The following ZIC5 variants were observed in gnomAD, a reference collection of about 807,000 sequenced individuals.
The protein encoded by ZIC5 is Zic family zinc finger 5.
Under a neutral mutation model 28.5 loss-of-function variants are expected in ZIC5, and 20 were observed. That is an observed-to-expected ratio of 0.70 (90% confidence interval 0.49 to 1.02). The LOEUF (loss-of-function observed/expected upper bound fraction) is 1.02. Among genes scored for constraint, ZIC5 ranks in the 50% least tolerant of loss-of-function variants. The pLI is 0.00. For missense variants in ZIC5, 951 were observed against 899.7 expected, an observed-to-expected ratio of 1.06 and a Z score of -0.73; for synonymous variants, 488 against 410.4, an observed-to-expected ratio of 1.19 and a Z score of -2.29.
rs1264090372 is a variant in ZIC5, at chr13:99,963,290, T to C, written c.*2087A>G. 1 of 152,662 alleles carries C rather than the reference T, an allele frequency of 6.6e-6. No homozygotes were observed. The highest frequency in any genetic ancestry group is 6.5e-5 in the Admixed American group (1 of 15,278). 9.5% of individuals were successfully genotyped at this position (152,662 alleles called of 1,614,324 possible). A position where few individuals can be genotyped will look rare whatever the true frequency, so the allele number is the denominator to read the frequency against. On this transcript the variant is annotated 3_prime_UTR_variant, in exon 2 of 2. Transcript: ENST00000267294. ...CTCATTATACATCAGGAATATTTTG[T>C]TCTAATAAGTTTACGATACATAAAT...
rs1309088818 is a variant in ZIC5 at position 99,963,994 on chromosome 13, G to T, written c.*1383C>A. ...CTACATTTTGCACAGGAGATGTGTTGTACCAACCGAAAATAAATCGACTAA... is the reference window on the plus strand; with the variant it reads ...CTACATTTTGCACAGGAGATGTGTTTTACCAACCGAAAATAAATCGACTAA... On this transcript the variant is annotated 3_prime_UTR_variant, in exon 2 of 2. Coordinates refer to ENST00000267294, the MANE Select transcript of ZIC5 (RefSeq NM_033132.5). 6.6e-6 allele frequency: 1 copy of T among 152,568 alleles called. No homozygotes were observed. Among genetic ancestry groups the T allele is most frequent in the Non-Finnish European group, 1.5e-5 (1 of 68,024 alleles). The allele number at this position is 152,568 out of a possible 1,614,324, so 9.5% of individuals were successfully genotyped here.
rs2053085798 is a variant in ZIC5 at position 99,964,993 on chromosome 13, T to C, written c.*384A>G. ...TGACTTAATGCTCTTTTTCTCCCCC[T>C]TTTAAAAAAAATAATATATATATAT... On this transcript the variant is annotated 3_prime_UTR_variant, in exon 2 of 2. Transcript: ENST00000267294. 7.1e-6 allele frequency: 1 copy of C among 141,092 alleles called. No individual in the cohort carries two copies. The highest frequency in any genetic ancestry group is 2.2e-4 in the South Asian group (1 of 4,606). The allele number at this position is 141,092 out of a possible 1,614,324, so 8.7% of individuals were successfully genotyped here. A position where few individuals can be genotyped will look rare whatever the true frequency, so the allele number is the denominator to read the frequency against.
rs1246168219 is a variant in ZIC5 at position 99,970,128 on chromosome 13, T to C, written c.1476A>G (p.Thr492=). 1 of 1,595,136 alleles carries C rather than the reference T, an allele frequency of 6.3e-7. No individual in the cohort carries two copies. Among genetic ancestry groups the C allele is most frequent in the Non-Finnish European group, 8.5e-7 (1 of 1,173,146 alleles). The part of the protein sequence containing the change: ...ENLKIHKRTH[T]GEKPFKCEFD... ...GCGCGGCCGGGGACAGACACCCACC[T>C]GTATGAGTACGCTTGTGGATCTTGA... The change falls in exon 1 of 2, where the codon ACA becomes ACG. Residue 492 remains threonine, a splice_region_variant and synonymous_variant. Transcript: ENST00000267294.
chr13:99,970,111 G>T lies in ZIC5; in HGVS notation c.1477+16C>A, dbSNP rs759503953. On this transcript the variant is annotated intron_variant, in intron 1 of 1. Transcript: ENST00000267294. The stretch of plus-strand genomic sequence containing the variant: ...TGGTGGCGGCGGCGGCGGCGCGGCC[G>T]GGGACAGACACCCACCTGTATGAGT... The T allele has an allele frequency of 1.9e-6, 3 of 1,604,934 alleles. No homozygotes were observed. The highest frequency in any genetic ancestry group is 3.4e-5 in the Admixed American group (2 of 59,384).
At chr13:99,966,378 C>A (rs2053100161) in intron 1 of ZIC5, among the ~76,000 whole-genome samples, 1 of 152,072 alleles carries the variant, frequency 6.6e-6, no homozygotes, top group Non-Finnish European at 1.5e-5. Context: ...AGGAGAGGGG[C>A]ATCAGGAGAG....
In ZIC5 at chr13:99,967,536, C is replaced by G. The variant is rs1594282469; in HGVS notation, c.1478-1717G>C. The stretch of plus-strand genomic sequence containing the variant: ...ATTCTTTTTAAGAAATTAAAATCAG[C>G]CTTTCTTCAATATGGAGGCGTAATT... On this transcript the variant is annotated intron_variant, in intron 1 of 1. Coordinates refer to ENST00000267294, the MANE Select transcript of ZIC5 (RefSeq NM_033132.5). Among the ~76,000 whole-genome samples, 3 of 152,212 alleles carry G rather than the reference C, an allele frequency of 2.0e-5. No homozygotes were observed. The East Asian group carries it at 5.8e-4, about 29-fold the overall frequency.
Position 99,970,894 on chromosome 13 carries a change from G to C in ZIC5, c.710C>G (p.Pro237Arg), listed in dbSNP as rs745511470. 7.5e-7 allele frequency: 1 copy of C among 1,336,852 alleles called. No homozygotes were observed. The highest frequency in any genetic ancestry group is 2.1e-5 in the South Asian group (1 of 47,786). The allele number at this position is 1,336,852 out of a possible 1,614,324, so 82.8% of individuals were successfully genotyped here. The change falls in exon 1 of 2, where the codon CCC becomes CGC. Residue 237 changes from proline to arginine, a missense_variant. This residue lies in a region of ZIC5 where 784 missense variants were observed against 660.1 expected (regional missense o/e 1.19). Transcript: ENST00000267294. ...PDGSGGPALF[P>R]ALHDTPGAPG... ...GGCCCCCGGCGTGTCGTGCAGCGCG[G>C]GGAAGAGCGCCGGGCCGCCGCTGCC...
chr13:99,970,621 T>C lies in ZIC5; in HGVS notation c.983A>G (p.Gln328Arg). ...CGGCGCCGGGGGCGGCGCGTGGTGC[T>C]GCAGGTGGGGCCCGGGCCCGGCCGC... ...AAAAGPGPHLQHHAPPPAPPP... is the reference protein window; with the variant it reads ...AAAAGPGPHLRHHAPPPAPPP... Residue 328 changes from glutamine to arginine, a missense_variant, in exon 1 of 2, where the codon CAG (glutamine) becomes CGG (arginine). Gln to Arg is a conservative substitution (Grantham distance 43). Around this residue, in one of 3 missense-constraint regions of ZIC5, gnomAD observed 784 missense variants for 660.1 expected, o/e 1.19. Coordinates refer to ENST00000267294, the MANE Select transcript of ZIC5 (RefSeq NM_033132.5). 2 of 1,054,460 alleles carry C rather than the reference T, an allele frequency of 1.9e-6. No homozygotes were observed. Among genetic ancestry groups the C allele is most frequent in the African/African-American group, 3.5e-5 (2 of 57,388 alleles). The allele number at this position is 1,054,460 out of a possible 1,614,324, so 65.3% of individuals were successfully genotyped here.
In ZIC5 at chr13:99,971,512, C is replaced by A; in HGVS notation, c.92G>T (p.Gly31Val). Residue 31 changes from glycine to valine, a missense_variant, in exon 1 of 2, where the codon GGC (glycine) becomes GTC (valine). Gly to Val is a moderately radical substitution (Grantham distance 109). This residue lies in a region of ZIC5 where 784 missense variants were observed against 660.1 expected (regional missense o/e 1.19). Coordinates refer to ENST00000267294, the MANE Select transcript of ZIC5 (RefSeq NM_033132.5). ...AQVQPLQNMTGFPALAGPPAH... is the reference protein window; with the variant it reads ...AQVQPLQNMTVFPALAGPPAH... ...GGGCGGGCCGGCCAGCGCCGGGAAGCCTGTCATATTCTGAAGCGGCTGGAC... is the reference window on the plus strand; with the variant it reads ...GGGCGGGCCGGCCAGCGCCGGGAAGACTGTCATATTCTGAAGCGGCTGGAC... 6.4e-7 allele frequency: 1 copy of A among 1,551,712 alleles called. No homozygotes were observed. Among genetic ancestry groups the A allele is most frequent in the Non-Finnish European group, 8.7e-7 (1 of 1,147,106 alleles).
intron 1 of ZIC5, among the ~76,000 whole-genome samples, chr13:99,968,724 T>C (rs2053121145): frequency 2.0e-5 from 3 of 152,194 alleles, no homozygotes; most frequent in Admixed American, 6.5e-5. Context: ...AGCAGCCGGC[T>C]TAGCGGGCCA....
rs1173779217 is a variant in ZIC5 at position 99,963,521 on chromosome 13, C to A, written c.*1856G>T. 1 of 152,480 alleles carries A rather than the reference C, an allele frequency of 6.6e-6. No homozygotes were observed. Among genetic ancestry groups the A allele is most frequent in the Non-Finnish European group, 1.5e-5 (1 of 68,022 alleles). 9.4% of individuals were successfully genotyped at this position (152,480 alleles called of 1,614,324 possible). On this transcript the variant is annotated 3_prime_UTR_variant, in exon 2 of 2. Coordinates refer to ENST00000267294, the MANE Select transcript of ZIC5 (RefSeq NM_033132.5). ...AGGCTTTCCAAGTGACAGCACCATG[C>A]ACTGTACTAGTAATATAATATATCT...
chr13:99,968,424 G>C (rs996237925), intron 1 of ZIC5, among the ~76,000 whole-genome samples: 1 of 152,110 alleles, frequency 6.6e-6, no homozygotes, highest in Non-Finnish European at 1.5e-5. Context: ...CGCCGCCTGG[G>C]GTCCCCCGCG....
At position 99,965,461 on chromosome 13, in the gene ZIC5, G is replaced by T. The variant is rs2053092859; in HGVS notation, c.1836C>A (p.His612Gln). Reference sequence around the variant, plus strand: ...AGGTGGTTCCGTTGCTGGAAGGGGTGTGGAGGTGGCTGGGGGCCCCACTGG... The same window carrying T: ...AGGTGGTTCCGTTGCTGGAAGGGGTTTGGAGGTGGCTGGGGGCCCCACTGG... ...CQASGAPSHL[H>Q]TPSSNGTTSE... The change falls in exon 2 of 2, where the codon CAC (histidine) becomes CAA (glutamine). Residue 612 changes from histidine (H) to glutamine (Q), a missense_variant. By Grantham distance (24) the His-to-Gln change is conservative. Around this residue, in one of 3 missense-constraint regions of ZIC5, gnomAD observed 108 missense variants for 118.4 expected, o/e 0.91. Transcript: ENST00000267294. 6.2e-7 allele frequency: 1 copy of T among 1,614,158 alleles called. No individual in the cohort carries two copies. The highest frequency in any genetic ancestry group is 8.5e-7 in the Non-Finnish European group (1 of 1,180,030).
chr13:99,968,043 G>C (rs374927353), intron 1 of ZIC5, among the ~76,000 whole-genome samples: 16 of 152,350 alleles, frequency 1.1e-4, no homozygotes, highest in African/African-American at 3.6e-4. Flanking sequence ...AGTCGGGCCC[G>C]CGGGACGGTT....
chr13:99,970,819 G>C lies in ZIC5; in HGVS notation c.785C>G (p.Ala262Gly). The change falls in exon 1 of 2, where the codon GCG becomes GGG. Residue 262 changes from alanine (A) to glycine (G), a missense_variant. Transcript: ENST00000267294. ...AGCCGCCGCGGCTGCCGCTGCCGCC[G>C]CCAGCCCCAGGCGCATCTGGCCGTT... ...PLNGQMRLGLAAAAAAAAAEL... is the reference protein window; with the variant it reads ...PLNGQMRLGLGAAAAAAAAEL... The C allele has an allele frequency of 8.2e-7, 1 of 1,216,650 alleles. No individual in the cohort carries two copies. 75.4% of individuals were successfully genotyped at this position (1,216,650 alleles called of 1,614,324 possible). A position where few individuals can be genotyped will look rare whatever the true frequency, so the allele number is the denominator to read the frequency against.
In ZIC5 at chr13:99,965,195, A is replaced by T; in HGVS notation, c.*182T>A. On this transcript the variant is annotated 3_prime_UTR_variant, in exon 2 of 2. Coordinates refer to ENST00000267294, the MANE Select transcript of ZIC5 (RefSeq NM_033132.5). ...GAAAAAAAAAAAAAAAAGCCCAAAT[A>T]TCTTAATTAAATTAATTAAATGTAC... 1.0e-5 allele frequency: 4 copies of T among 396,540 alleles called. No individual in the cohort carries two copies. Among genetic ancestry groups the T allele is most frequent in the Non-Finnish European group, 1.7e-5 (4 of 239,672 alleles). The allele number at this position is 396,540 out of a possible 1,614,324, so 24.6% of individuals were successfully genotyped here. A position where few individuals can be genotyped will look rare whatever the true frequency, so the allele number is the denominator to read the frequency against.
In ZIC5 at chr13:99,965,530, C is replaced by G. The variant is rs770200397; in HGVS notation, c.1767G>C (p.Leu589=). The G allele has an allele frequency of 6.2e-7, 1 of 1,613,540 alleles. No homozygotes were observed. Among genetic ancestry groups the G allele is most frequent in the East Asian group, 2.2e-5 (1 of 44,878 alleles). ...LDPARSHSST[L]SPQVTNLNEW... The stretch of plus-strand genomic sequence containing the variant: ...CATTGAGGTTGGTCACCTGAGGGGA[C>G]AGAGTGCTGGAGTGACTCCTGGCTG... Residue 589 remains leucine (L), a synonymous_variant, in exon 2 of 2, where the codon CTG becomes CTC. Coordinates refer to ENST00000267294, the MANE Select transcript of ZIC5 (RefSeq NM_033132.5).
Position 99,971,597 on chromosome 13 carries a change from G to T in ZIC5, c.7C>A (p.Pro3Thr), listed in dbSNP as rs1381335379. 3.2e-6 allele frequency: 5 copies of T among 1,556,436 alleles called. No homozygotes were observed. Among genetic ancestry groups the T allele is most frequent in the Admixed American group, 3.9e-5 (2 of 51,862 alleles). ME[P>T]PLSKRNPPAL... Reference sequence around the variant, plus strand: ...GGCGGGTTCCTCTTGCTCAAAGGGGGCTCCATCAGAACTACACAATCAGGC... The same window carrying T: ...GGCGGGTTCCTCTTGCTCAAAGGGGTCTCCATCAGAACTACACAATCAGGC... The change falls in exon 1 of 2, where the codon CCC becomes ACC. Residue 3 changes from proline (P) to threonine (T), a missense_variant. Pro to Thr is a conservative substitution (Grantham distance 38, BLOSUM62 -1). Around this residue, in one of 3 missense-constraint regions of ZIC5, gnomAD observed 784 missense variants for 660.1 expected, o/e 1.19. Coordinates refer to ENST00000267294, the MANE Select transcript of ZIC5 (RefSeq NM_033132.5).
In ZIC5 at chr13:99,971,177, G is replaced by A; in HGVS notation, c.427C>T (p.Pro143Ser). The A allele has an allele frequency of 7.4e-7, 1 of 1,344,248 alleles. No individual in the cohort carries two copies. The highest frequency in any genetic ancestry group is 9.5e-7 in the Non-Finnish European group (1 of 1,052,004). 83.3% of individuals were successfully genotyped at this position (1,344,248 alleles called of 1,614,324 possible). A position where few individuals can be genotyped will look rare whatever the true frequency, so the allele number is the denominator to read the frequency against. Residue 143 changes from proline to serine, a missense_variant, in exon 1 of 2, where the codon CCC becomes TCC. Physicochemically the swap from Pro to Ser is moderately conservative, Grantham distance 74 (BLOSUM62 -1). This residue lies in a region of ZIC5 where 784 missense variants were observed against 660.1 expected (regional missense o/e 1.19). Coordinates refer to ENST00000267294, the MANE Select transcript of ZIC5 (RefSeq NM_033132.5). The stretch of plus-strand genomic sequence containing the variant: ...AGGGCAGGAGGAGGAGGAGGCGGGG[G>A]AGGGGGAGGGGGTGAAGGGGTGGGA... ...LPPTPSPPPP[P>S]PPPPPPALSG... is the part of the protein sequence containing the mutation.
Sources: gnomAD v4.1 joint callset for allele counts (sites outside exome capture counted in the v4.1 genomes callset) on GRCh38, gnomAD v4.1.1 for gene constraint, gnomAD v4.1.1 regional missense constraint, MANE v1.5 for transcripts, NCBI Gene and HGNC (gene_info 2026-07-23, HGNC 2026-07-21) for gene names.